MXRA8: variants seen among roughly 807,000 people sequenced by gnomAD.
MXRA8 encodes the protein matrix remodeling-associated protein 8.
In MXRA8, 44 loss-of-function variants were observed where a neutral mutation model predicts 51.4. The observed-to-expected ratio is 0.86, with a 90% CI of 0.67 to 1.10. The LOEUF is 1.10. MXRA8 is among the 50% of genes least tolerant of loss of function. The probability of loss-of-function intolerance (pLI) is 0.00; values close to 1 mark genes in which losing one functional copy is unlikely to be tolerated. For missense variants in MXRA8, 765 were observed against 638.9 expected (o/e 1.20, Z -2.13); for synonymous variants, 369 against 293.5 (o/e 1.26, Z -2.63).
Position 1,353,527 on chromosome 1 carries a change from G to A in MXRA8, c.*77C>T, listed in dbSNP as rs552753693. 73 of 1,525,126 alleles carry A rather than the reference G, an allele frequency of 4.8e-5. 1 individual carries two copies. The highest frequency in any genetic ancestry group is 4.0e-4 in the Middle Eastern group (2 of 5,008). The allele number at this position is 1,525,126 out of a possible 1,614,324, so 94.5% of individuals were successfully genotyped here. On this transcript the variant is annotated 3_prime_UTR_variant, in exon 10 of 10. Coordinates refer to ENST00000309212, the MANE Select transcript of MXRA8 (RefSeq NM_032348.4). Reference sequence around the variant, plus strand: ...AGCCGCTGGAAGGGGGGTGAGCCCCGGAGCATCAGGAGATGCCCCGAGGAG... The same window carrying A: ...AGCCGCTGGAAGGGGGGTGAGCCCCAGAGCATCAGGAGATGCCCCGAGGAG...
In MXRA8 at chr1:1,358,350, C is replaced by T. The variant is rs903488719; in HGVS notation, c.49+106G>A. ...GACCCGTCCTCTTCCCTGGTGGGAC[C>T]TTCCCACTCCTCCTGGCCCAAGCTC... On this transcript the variant is annotated intron_variant, in intron 1 of 9. Coordinates refer to ENST00000309212, the MANE Select transcript of MXRA8 (RefSeq NM_032348.4). 20 of 1,284,222 alleles carry T rather than the reference C, an allele frequency of 1.6e-5. No homozygotes were observed. The African/African-American group carries it at 2.3e-4, about 14-fold the overall frequency. The allele number at this position is 1,284,222 out of a possible 1,614,324, so 79.6% of individuals were successfully genotyped here. A position where few individuals can be genotyped will look rare whatever the true frequency, so the allele number is the denominator to read the frequency against.
chr1:1,363,077 G>A (rs1294492266), upstream of MXRA8, among the ~76,000 whole-genome samples: 16 of 140,260 alleles, frequency 1.1e-4, no homozygotes, highest in East Asian at 4.0e-4. Context: ...GCGAGACTCC[G>A]TCTCAAAAAA....
Position 1,355,627 on chromosome 1 carries a change from G to T in MXRA8, c.199C>A (p.His67Asn). The T allele has an allele frequency of 6.8e-7, 1 of 1,466,580 alleles. No individual in the cohort carries two copies. Among genetic ancestry groups the T allele is most frequent in the Non-Finnish European group, 9.0e-7 (1 of 1,115,612 alleles). The allele number at this position is 1,466,580 out of a possible 1,614,324, so 90.8% of individuals were successfully genotyped here. ...CAGTGGAGCACGCGCTGGCGGTCGT[G>T]CAGCCGGTCCTGGGTCCACACCATG... ...PRMVWTQDRLHDRQRVLHWDL... is the reference protein window; with the variant it reads ...PRMVWTQDRLNDRQRVLHWDL... The change falls in exon 3 of 10, where the codon CAC (histidine) becomes AAC (asparagine). Residue 67 changes from histidine (H) to asparagine (N), a missense_variant. By Grantham distance (68) the His-to-Asn change is moderately conservative. Transcript: ENST00000309212.
upstream of MXRA8, chr1:1,359,100 C>G (rs998092508): frequency 1.0e-4 from 99 of 985,298 alleles, no homozygotes; most frequent in Non-Finnish European, 1.1e-4. Context: ...GGTGGGCTCC[C>G]TTGGGCCAGG....
rs1243284150 is a variant in MXRA8 at position 1,354,464 on chromosome 1, G to A, written c.995C>T (p.Pro332Leu). ...RGHNVINVIV[P>L]ESRAHFFQQL... ...CTGGAAGAAGTGGGCTCGGCTCTCG[G>A]GGACGATGACATTGATGACGTTGTG... Residue 332 changes from proline to leucine, a missense_variant, in exon 6 of 10, where the codon CCC (proline) becomes CTC (leucine). By Grantham distance (98) the Pro-to-Leu change is moderately conservative. Transcript: ENST00000309212. 11 of 1,612,338 alleles carry A rather than the reference G, an allele frequency of 6.8e-6. No homozygotes were observed. The highest frequency in any genetic ancestry group is 8.5e-6 in the Non-Finnish European group (10 of 1,179,856).
intron 1 of MXRA8, among the ~76,000 whole-genome samples, chr1:1,357,908 C>T (rs1211456497): frequency 6.6e-6 from 1 of 152,192 alleles, no homozygotes; most frequent in African/African-American, 2.4e-5. Context: ...CCTGGCCTCC[C>T]AGCAGTCTGT....
intron 1 of MXRA8, 41 bp from the exon 2 acceptor site, chr1:1,356,745 C>A (rs775222912): frequency 1.8e-5 from 25 of 1,355,886 alleles, no homozygotes; most frequent in East Asian, 2.8e-5. Context: ...ACCCACAGCC[C>A]CACCCAGCCC....
At chr1:1,359,953 G>C (rs1644199738), upstream of MXRA8, among the ~76,000 whole-genome samples, 1 of 152,226 alleles carries the variant, frequency 6.6e-6, no homozygotes, top group Non-Finnish European at 1.5e-5. Context: ...GCCCATGTCT[G>C]TCTCCGTCGC....
At chr1:1,360,951 TGAA>T (rs899910955), upstream of MXRA8, among the ~76,000 whole-genome samples, 8 of 146,410 alleles carry the variant, frequency 5.5e-5, no homozygotes, top group Non-Finnish European at 1.0e-4. Context: ...CGCATGCACA[TGAA>T]GACACGGAGA....
At position 1,353,247 on chromosome 1, in the gene MXRA8, G is replaced by A. The variant is rs1250276820; in HGVS notation, c.*357C>T. 4.7e-6 allele frequency: 7 copies of A among 1,488,096 alleles called. No homozygotes were observed. The East Asian group carries it at 1.7e-4, about 37-fold the overall frequency. 92.2% of individuals were successfully genotyped at this position (1,488,096 alleles called of 1,614,324 possible). A position where few individuals can be genotyped will look rare whatever the true frequency, so the allele number is the denominator to read the frequency against. ...GGAGTGGGACTCCTGCCCTGAGGCTGACCCCAGTTTTGGGGCTGCCAGGTT... is the reference window on the plus strand; with the variant it reads ...GGAGTGGGACTCCTGCCCTGAGGCTAACCCCAGTTTTGGGGCTGCCAGGTT... On this transcript the variant is annotated 3_prime_UTR_variant, in exon 10 of 10. Coordinates refer to ENST00000309212, the MANE Select transcript of MXRA8 (RefSeq NM_032348.4).
Position 1,353,510 on chromosome 1 carries a change from G to T in MXRA8, c.*94C>A. 1 of 1,512,828 alleles carries T rather than the reference G, an allele frequency of 6.6e-7. No homozygotes were observed. Among genetic ancestry groups the T allele is most frequent in the South Asian group, 1.3e-5 (1 of 79,728 alleles). The allele number at this position is 1,512,828 out of a possible 1,614,324, so 93.7% of individuals were successfully genotyped here. A position where few individuals can be genotyped will look rare whatever the true frequency, so the allele number is the denominator to read the frequency against. ...TCCAGGAAAGCGGGACCAGCCGCTG[G>T]AAGGGGGGTGAGCCCCGGAGCATCA... On this transcript the variant is annotated 3_prime_UTR_variant, in exon 10 of 10. Coordinates refer to ENST00000309212, the MANE Select transcript of MXRA8 (RefSeq NM_032348.4).
intron 9 of MXRA8, 68 bp from the exon 10 acceptor site, chr1:1,353,697 C>T: frequency 6.6e-7 from 1 of 1,511,434 alleles, no homozygotes; most frequent in South Asian, 1.2e-5. Flanking sequence ...AGACACAGGG[C>T]AGACCCCCCC....
At chr1:1,358,423 C>G in intron 1 of MXRA8, 33 bp downstream of exon 1, 1 of 1,582,964 alleles carries the variant, frequency 6.3e-7, no homozygotes, top group Non-Finnish European at 8.6e-7. Flanking sequence ...CCACGTGCCA[C>G]CCCCCACCCG....
rs1644041704 is a variant in MXRA8, at chr1:1,353,387, C to T, written c.*217G>A. 1 of 1,540,718 alleles carries T rather than the reference C, an allele frequency of 6.5e-7. No individual in the cohort carries two copies. The highest frequency in any genetic ancestry group is 1.7e-4 in the Middle Eastern group (1 of 5,908). ...TTGGTTGTGCCAGGGGTGGGCAGGG[C>T]CACCCGTGAGCAAAGGCCGCAGGGG... On this transcript the variant is annotated 3_prime_UTR_variant, in exon 10 of 10. Coordinates refer to ENST00000309212, the MANE Select transcript of MXRA8 (RefSeq NM_032348.4).
rs1336558161 is a variant in MXRA8, at chr1:1,354,809, C to T, written c.822G>A (p.Leu274=). ...VADEGTYSCH[L]HHHYCGLHER... The stretch of plus-strand genomic sequence containing the variant: ...CGTGCAGGCCACAGTAATGGTGGTG[C>T]AGGTGGCAGGAGTAGGTGCCCTCGT... Residue 274 remains leucine (L), a synonymous_variant, in exon 5 of 10, where the codon CTG becomes CTA. Transcript: ENST00000309212. 5 of 1,612,108 alleles carry T rather than the reference C, an allele frequency of 3.1e-6. No homozygotes were observed.
At chr1:1,359,104 G>T (rs1644188366), upstream of MXRA8, 1 of 985,430 alleles carries the variant, frequency 1.0e-6, no homozygotes, top group Non-Finnish European at 1.2e-6. Context: ...GGCTCCCTTG[G>T]GCCAGGATGA....
Position 1,353,322 on chromosome 1 carries a change from C to A in MXRA8, c.*282G>T. The A allele has an allele frequency of 6.5e-7, 1 of 1,549,874 alleles. No homozygotes were observed. The highest frequency in any genetic ancestry group is 8.7e-7 in the Non-Finnish European group (1 of 1,146,752). On this transcript the variant is annotated 3_prime_UTR_variant, in exon 10 of 10. Coordinates refer to ENST00000309212, the MANE Select transcript of MXRA8 (RefSeq NM_032348.4). ...GTCTTCAGGCCCCCAGCGGGCAGAG[C>A]CCAGAAGGGTCTGAGGGCATGATGG...
At chr1:1,356,169 G>T (rs569627516) in intron 2 of MXRA8, among the ~76,000 whole-genome samples, 41 of 110,662 alleles carry the variant, frequency 3.7e-4, no homozygotes, top group African/African-American at 1.4e-3. Flanking sequence ...GCCCCCTAGG[G>T]CCCATGTGGG....
In MXRA8 at chr1:1,354,229, T is replaced by C. The variant is rs751103740; in HGVS notation, c.1109A>G (p.Tyr370Cys). Residue 370 changes from tyrosine to cysteine, a missense_variant, in exon 7 of 10, where the codon TAC becomes TGC. By Grantham distance (194) the Tyr-to-Cys change is radical. Transcript: ENST00000309212. Reference sequence around the variant, plus strand: ...TCCCGACTTCTGGTCCGAGTATTCGTAGCCTGGGAAGGAGACTCACATTGG... The same window carrying C: ...TCCCGACTTCTGGTCCGAGTATTCGCAGCCTGGGAAGGAGACTCACATTGG... ...LLAARRRRGGYEYSDQKSGKS... is the reference protein window; with the variant it reads ...LLAARRRRGGCEYSDQKSGKS... 2 of 1,612,226 alleles carry C rather than the reference T, an allele frequency of 1.2e-6. No individual in the cohort carries two copies. The highest frequency in any genetic ancestry group is 8.5e-7 in the Non-Finnish European group (1 of 1,179,888).
Sources: allele counts gnomAD v4.1 joint callset (sites outside exome capture counted in the v4.1 genomes callset), GRCh38; gene constraint gnomAD v4.1.1; transcripts MANE v1.5; gene names NCBI Gene and HGNC (gene_info 2026-07-23, HGNC 2026-07-21).